Variants in MAPKAP1 observed in about 807,000 individuals in gnomAD.
MAPKAP1 encodes MAPK associated protein 1.
Under a neutral mutation model 65.7 loss-of-function variants are expected in MAPKAP1, and 20 were observed. That is an observed-to-expected ratio of 0.30 (90% CI 0.21 to 0.44). The LOEUF is 0.44. Among genes scored for constraint, MAPKAP1 ranks in the 20% least tolerant of loss-of-function variants. The pLI is 1.00. For missense variants in MAPKAP1, 423 were observed against 648.0 expected (o/e 0.65, Z 3.77); for synonymous variants, 222 against 244.3 (o/e 0.91, Z 0.85).
intron 6 of MAPKAP1, among the ~76,000 whole-genome samples, chr9:125,550,178 G>T (rs190903146): frequency 1.3e-5 from 2 of 152,286 alleles, no homozygotes; most frequent in East Asian, 3.9e-4. Context: ...GAAATCAAAC[G>T]CTTCGTTCTA....
chr9:125,698,328 TATATATATAAA>T (rs1835489772), intron 1 of MAPKAP1, among the ~76,000 whole-genome samples: 2 of 101,050 alleles, frequency 2.0e-5, no homozygotes, highest in East Asian at 2.8e-4. Flanking sequence ...TATATATATA[TATATATATAAA>T]ATATATATAT....
rs562415164 is a variant in MAPKAP1, at chr9:125,527,587, G to T, written c.958+15472C>A. On this transcript the variant is annotated intron_variant, in intron 7 of 11. Transcript: ENST00000265960. ...AGACAATATCTATTAACTTACATTAGAGAGAATGAAGACTTAGGCTGTGCA... is the reference window on the plus strand; with the variant it reads ...AGACAATATCTATTAACTTACATTATAGAGAATGAAGACTTAGGCTGTGCA... Among the ~76,000 whole-genome samples, 4 of 152,232 alleles carry T rather than the reference G, an allele frequency of 2.6e-5. No individual in the cohort carries two copies. The East Asian group carries it at 7.7e-4, about 29-fold the overall frequency.
intron 9 of MAPKAP1, among the ~76,000 whole-genome samples, chr9:125,482,129 T>C (rs1188529547): frequency 3.5e-5 from 2 of 57,468 alleles, no homozygotes; most frequent in Non-Finnish European, 7.6e-5. Flanking sequence ...CAAAACTCTG[T>C]CTAAAAAAAA....
chr9:125,504,302 G>GA (rs569707634), intron 8 of MAPKAP1, among the ~76,000 whole-genome samples: 353 of 152,246 alleles, frequency 2.3e-3, no homozygotes, highest in Admixed American at 5.0e-3. Context: ...GACCATTTGG[G>GA]AATCAGTGAT....
At chr9:125,687,728 T>G (rs937318907) in intron 1 of MAPKAP1, among the ~76,000 whole-genome samples, 2 of 152,140 alleles carry the variant, frequency 1.3e-5, no homozygotes, top group Non-Finnish European at 2.9e-5. Context: ...AAGGTTACAG[T>G]GAGCATGATT....
intron 5 of MAPKAP1, among the ~76,000 whole-genome samples, chr9:125,572,097 C>A (rs1371902947): frequency 6.6e-6 from 1 of 152,182 alleles, no homozygotes; most frequent in African/African-American, 2.4e-5. Flanking sequence ...CAATAAGAAT[C>A]TGTTTTCTTT....
intron 4 of MAPKAP1, among the ~76,000 whole-genome samples, chr9:125,620,181 C>T (rs978009162): frequency 2.2e-4 from 33 of 152,140 alleles, no homozygotes; most frequent in African/African-American, 8.0e-4. Context: ...TGGTGGGGCA[C>T]ACCTGTAATC....
At chr9:125,592,511 G>C (rs549919077) in intron 4 of MAPKAP1, among the ~76,000 whole-genome samples, 1 of 152,298 alleles carries the variant, frequency 6.6e-6, no homozygotes, top group Non-Finnish European at 1.5e-5. Context: ...AAAAGAATAA[G>C]AGTACCATTC....
chr9:125,444,366 C>T (rs1852616330), intron 11 of MAPKAP1, 135 bp downstream of exon 11: 5 of 667,504 alleles, frequency 7.5e-6, no homozygotes, highest in Non-Finnish European at 1.3e-5. Context: ...AGCTGCGACA[C>T]TCCTCCTCTG....
chr9:125,615,674 A>G (rs1358193215), intron 4 of MAPKAP1, among the ~76,000 whole-genome samples: 2 of 152,206 alleles, frequency 1.3e-5, no homozygotes, highest in Non-Finnish European at 2.9e-5. Flanking sequence ...GCACTCTGGG[A>G]GGCCAAGGTG....
chr9:125,515,728 A>G (rs1031403285), intron 7 of MAPKAP1, among the ~76,000 whole-genome samples: 2 of 152,250 alleles, frequency 1.3e-5, no homozygotes, highest in African/African-American at 2.4e-5. Flanking sequence ...GCCCCCATTA[A>G]CTTTCAATAG....
chr9:125,624,551 G>C (rs1443002826), intron 4 of MAPKAP1, among the ~76,000 whole-genome samples: 1 of 68,754 alleles, frequency 1.5e-5, no homozygotes, highest in African/African-American at 4.6e-5. Flanking sequence ...CGCCCTGTCC[G>C]GGAGGGAGGT....
intron 4 of MAPKAP1, among the ~76,000 whole-genome samples, chr9:125,629,609 G>A (rs922831658): frequency 6.6e-6 from 1 of 152,168 alleles, no homozygotes; most frequent in Admixed American, 6.5e-5. Flanking sequence ...CCAGGGCTGG[G>A]GGCAAGAGGA....
At chr9:125,472,011 G>A (rs367898751) in intron 9 of MAPKAP1, 5 of 152,220 alleles carry the variant, frequency 3.3e-5, no homozygotes, top group African/African-American at 1.2e-4. Flanking sequence ...TGGCTAGTAT[G>A]TTCATCCTAT....
At position 125,669,881 on chromosome 9, in the gene MAPKAP1, C is replaced by G; in HGVS notation, c.286G>C (p.Glu96Gln). Residue 96 changes from glutamate to glutamine, a missense_variant, in exon 3 of 12, where the codon GAG (glutamate) becomes CAG (glutamine). Transcript: ENST00000265960. ...TAQRLERLRK[E>Q]RQNQIKCKNI... The stretch of plus-strand genomic sequence containing the variant: ...TTGCATTTGATCTGGTTTTGTCTCT[C>G]TTTTCGGAGTCGTTCTAATCTTTGA... 6.3e-7 allele frequency: 1 copy of G among 1,597,966 alleles called. No homozygotes were observed. Among genetic ancestry groups the G allele is most frequent in the Non-Finnish European group, 8.5e-7 (1 of 1,170,710 alleles).
intron 6 of MAPKAP1, among the ~76,000 whole-genome samples, chr9:125,555,341 C>T (rs1046843822): frequency 5.3e-5 from 8 of 152,150 alleles, no homozygotes; most frequent in African/African-American, 1.7e-4. Flanking sequence ...GATGAAGAAA[C>T]TGAGACTTAA....
At chr9:125,494,658 T>C (rs1006007974) in intron 8 of MAPKAP1, among the ~76,000 whole-genome samples, 1 of 152,184 alleles carries the variant, frequency 6.6e-6, no homozygotes, top group Admixed American at 6.5e-5. Flanking sequence ...CAGCACACTC[T>C]CCCTCATTCC....
intron 8 of MAPKAP1, among the ~76,000 whole-genome samples, chr9:125,505,317 C>G (rs184659097): frequency 2.6e-4 from 40 of 152,096 alleles, no homozygotes; most frequent in African/African-American, 8.2e-4. Flanking sequence ...CCCAGCTACT[C>G]GGGAGGCTGA....
chr9:125,560,004 A>T (rs2131504908), intron 5 of MAPKAP1, among the ~76,000 whole-genome samples, 195 bp from the exon 6 acceptor site: 1 of 152,308 alleles, frequency 6.6e-6, no homozygotes, highest in African/African-American at 2.4e-5. Flanking sequence ...GGAGAAAAAC[A>T]GTGTGAAATG....
Sources: allele counts gnomAD v4.1 joint callset (sites outside exome capture counted in the v4.1 genomes callset), GRCh38; gene constraint gnomAD v4.1.1; transcripts MANE v1.5; gene names NCBI Gene and HGNC (gene_info 2026-07-23, HGNC 2026-07-21).